The following LIG3 variants were observed in gnomAD, a reference collection of about 807,000 sequenced individuals.
The protein encoded by LIG3 is ligase II, DNA, ATP-dependent.
A neutral mutation model predicts 110.9 loss-of-function variants in LIG3; 58 were observed. The observed-to-expected ratio is 0.52, with a 90% CI of 0.42 to 0.65. The LOEUF is 0.65. Among genes scored for constraint, LIG3 ranks in the 30% least tolerant of loss-of-function variants. The probability of loss-of-function intolerance (pLI) is 0.00; values close to 1 mark genes in which losing one functional copy is unlikely to be tolerated. For synonymous variants in LIG3, 422 were observed against 472.8 expected, an observed-to-expected ratio of 0.89 and a Z score of 1.39; for missense variants, 1,094 against 1,273.8, an observed-to-expected ratio of 0.86 and a Z score of 2.15.
rs769573144 is a variant in LIG3, at chr17:34,991,067, C to T, written c.994C>T (p.Arg332Cys). Residue 332 changes from arginine (R) to cysteine (C), a missense_variant, in exon 5 of 20, where the codon CGC (arginine) becomes TGC (cysteine). Physicochemically the swap from Arg to Cys is radical, Grantham distance 180. Transcript: ENST00000378526. ...TAAGCAGATTGTGAAGCTTTTCAGT[C>T]GCATTTTTAACTGCAACCCAGATGA... ...NDKQIVKLFS[R>C]IFNCNPDDMA... 28 of 1,613,938 alleles carry T rather than the reference C, an allele frequency of 1.7e-5. No individual in the cohort carries two copies. Among genetic ancestry groups the T allele is most frequent in the Non-Finnish European group, 2.1e-5 (25 of 1,180,026 alleles).
At chr17:34,983,615 C>G in intron 2 of LIG3, 63 bp downstream of exon 2, 2 of 1,420,138 alleles carry the variant, frequency 1.4e-6, no homozygotes, top group Non-Finnish European at 1.9e-6. Flanking sequence ...ATAAGGAGTT[C>G]AACTGCTTTC....
chr17:35,002,964 G>C, intron 19 of LIG3, 175 bp downstream of exon 19: 1 of 1,613,986 alleles, frequency 6.2e-7, no homozygotes, highest in Non-Finnish European at 8.5e-7. Flanking sequence ...CAATGCTGCT[G>C]CTCACCCTAT....
Position 34,996,090 on chromosome 17 carries a change from C to T in LIG3, c.1638C>T (p.Pro546=). Residue 546 remains proline (P), a synonymous_variant, in exon 10 of 20, where the codon CCC becomes CCT. Coordinates refer to ENST00000378526, the MANE Select transcript of LIG3 (RefSeq NM_013975.4). ...TGGCCCACTTTAAGGACTACATTCC[C>T]CAGGCTTTTCCTGGGGGCCACAGCA... ...HKVAHFKDYI[P]QAFPGGHSMI... 1 of 1,614,096 alleles carries T rather than the reference C, an allele frequency of 6.2e-7. No individual in the cohort carries two copies. The highest frequency in any genetic ancestry group is 8.5e-7 in the Non-Finnish European group (1 of 1,179,994).
At chr17:34,996,231 A>T (rs944522883) in intron 10 of LIG3, 36 bp downstream of exon 10, 3 of 1,607,582 alleles carry the variant, frequency 1.9e-6, no homozygotes, top group African/African-American at 2.7e-5. Flanking sequence ...AGAATGAATG[A>T]GTGTGAGTGA....
intron 16 of LIG3, among the ~76,000 whole-genome samples, chr17:35,000,608 CTT>C (rs57663136): frequency 3.9e-3 from 316 of 80,388 alleles, no homozygotes; most frequent in African/African-American, 0.014. Flanking sequence ...TTGGGAGATA[CTT>C]TTTTTTTTTT....
In LIG3 at chr17:35,005,643, T is replaced by A. The variant is rs2090890266; in HGVS notation, c.*1137T>A. 1 of 572,334 alleles carries A rather than the reference T, an allele frequency of 1.7e-6. No individual in the cohort carries two copies. Among genetic ancestry groups the A allele is most frequent in the Non-Finnish European group, 3.5e-6 (1 of 284,062 alleles). The allele number at this position is 572,334 out of a possible 1,614,324, so 35.5% of individuals were successfully genotyped here. A position where few individuals can be genotyped will look rare whatever the true frequency, so the allele number is the denominator to read the frequency against. On this transcript the variant is annotated 3_prime_UTR_variant, in exon 20 of 20. Transcript: ENST00000378526. ...CAAATATCCCAAAACTCAATCGATT[T>A]TTTTTCTTCTATTCATTGGATTCGT...
rs916395298 is a variant in LIG3 at position 35,004,682 on chromosome 17, GAA to G, written c.*177_*178del. 20 of 591,460 alleles carry G rather than the reference GAA, an allele frequency of 3.4e-5. No individual in the cohort carries two copies. In the African/African-American group the frequency reaches 3.7e-4, roughly 11 times the overall value. 36.6% of individuals were successfully genotyped at this position (591,460 alleles called of 1,614,324 possible). On this transcript the variant is annotated 3_prime_UTR_variant, in exon 20 of 20. Transcript: ENST00000378526. ...ATTAGTTGCTGTGGGTGCCACAGCTGAAGTCAGTTTGTCTTGCTGGTTTAAAT... is the reference window on the plus strand; with the variant it reads ...ATTAGTTGCTGTGGGTGCCACAGCTGGTCAGTTTGTCTTGCTGGTTTAAAT...
chr17:34,992,478 A>C (rs1254767166), intron 7 of LIG3, 46 bp from the exon 8 acceptor site: 1 of 1,527,580 alleles, frequency 6.5e-7, no homozygotes, highest in Non-Finnish European at 8.8e-7. Context: ...CATGGAGTCA[A>C]ACAAAGGCAG....
intron 17 of LIG3, 130 bp downstream of exon 17, chr17:35,001,533 G>T: frequency 1.0e-6 from 1 of 967,600 alleles, no homozygotes; most frequent in Non-Finnish European, 1.5e-6. Context: ...AGCAAGGAGG[G>T]CAATTAGAGA....
rs1344227481 is a variant in LIG3 at position 34,998,770 on chromosome 17, G to C, written c.2113+43G>C. The C allele has an allele frequency of 2.5e-6, 4 of 1,590,982 alleles. No homozygotes were observed. In the Admixed American group the frequency reaches 7.0e-5, roughly 28 times the overall value. On this transcript the variant is annotated intron_variant, in intron 14 of 19. Transcript: ENST00000378526. Reference sequence around the variant, plus strand: ...CCCCTGGGGTGGTACTGTTTTAGAAGGTACCGCTTGAGGTACAGGCTGGCC... The same window carrying C: ...CCCCTGGGGTGGTACTGTTTTAGAACGTACCGCTTGAGGTACAGGCTGGCC...
downstream of LIG3, chr17:35,010,428 T>C (rs923209438): frequency 1.3e-5 from 2 of 152,208 alleles, no homozygotes; most frequent in Non-Finnish European, 2.9e-5. Context: ...CATCACCTAC[T>C]CATTGCATGG....
At chr17:35,001,163 T>C (rs761587921) in intron 16 of LIG3, 94 bp from the exon 17 acceptor site, 92 of 1,343,786 alleles carry the variant, frequency 6.8e-5, no homozygotes, top group Non-Finnish European at 9.1e-5. Context: ...ACCTCAGCCT[T>C]CCTAAGTGCT....
downstream of LIG3, chr17:35,010,684 G>A (rs1485577636): frequency 6.6e-6 from 1 of 151,446 alleles, no homozygotes; most frequent in Non-Finnish European, 1.5e-5. Flanking sequence ...CCTGGGAGGT[G>A]GAGGTTGCAG....
chr17:34,999,128 C>T, intron 14 of LIG3, 179 bp from the exon 15 acceptor site: 1 of 667,936 alleles, frequency 1.5e-6, no homozygotes, highest in Non-Finnish European at 2.4e-6. Context: ...CCCTCATTTA[C>T]AGAAGAGGAA....
chr17:34,986,276 TA>T, intron 3 of LIG3, 145 bp downstream of exon 3: 1 of 814,542 alleles, frequency 1.2e-6, no homozygotes, highest in East Asian at 2.5e-5. Context: ...TGGTAATGGC[TA>T]ATTCTAAGCC....
Position 34,983,046 on chromosome 17 carries a change from G to T in LIG3, c.41G>T (p.Arg14Leu), listed in dbSNP as rs749670812. ...AFKIFFPQTL[R>L]ALSRKELCLF... ...AAGATCTTCTTTCCACAAACCCTCC[G>T]TGCACTCAGCCGAAAAGAACTGTGC... Residue 14 changes from arginine to leucine, a missense_variant, in exon 2 of 20, where the codon CGT becomes CTT. Arg to Leu is a moderately radical substitution (Grantham distance 102). Coordinates refer to ENST00000378526, the MANE Select transcript of LIG3 (RefSeq NM_013975.4). 13 of 1,606,434 alleles carry T rather than the reference G, an allele frequency of 8.1e-6. No homozygotes were observed. The highest frequency in any genetic ancestry group is 1.1e-5 in the Non-Finnish European group (13 of 1,177,302).
intron 11 of LIG3, among the ~76,000 whole-genome samples, chr17:34,996,877 G>A (rs1379369611): frequency 2.6e-5 from 4 of 152,198 alleles, no homozygotes; most frequent in East Asian, 3.8e-4. Context: ...GAGCCCATGT[G>A]TTGACTCCAT....
intron 12 of LIG3, 66 bp from the exon 13 acceptor site, chr17:34,998,150 GAAC>G (rs2090799005): frequency 3.4e-6 from 4 of 1,191,482 alleles, no homozygotes; most frequent in Non-Finnish European, 4.9e-6. Context: ...GTGTGAAAAG[GAAC>G]AACCCCCACT....
rs994865513 is a variant in LIG3, at chr17:34,985,118, T to C, written c.548-870T>C. 5.3e-5 allele frequency among the ~76,000 whole-genome samples: 8 copies of C among 152,312 alleles called. No individual in the cohort carries two copies. In the East Asian group the frequency reaches 1.5e-3, roughly 29 times the overall value. On this transcript the variant is annotated intron_variant, in intron 2 of 19. Coordinates refer to ENST00000378526, the MANE Select transcript of LIG3 (RefSeq NM_013975.4). ...CCTTTCAGCAGACAGAGCTAGAAAA[T>C]ATGTGCGTGTATATGCATGTAAAAT...
Sources: allele counts gnomAD v4.1 joint callset (sites outside exome capture counted in the v4.1 genomes callset), GRCh38; gene constraint gnomAD v4.1.1; transcripts MANE v1.5; gene names NCBI Gene and HGNC (gene_info 2026-07-23, HGNC 2026-07-21).